TACC3: variants seen among roughly 807,000 people sequenced by gnomAD.
TACC3 encodes the protein transforming acidic coiled-coil containing protein 3, also known as transforming acidic coiled-coil-containing protein 3.
A neutral mutation model predicts 86.0 loss-of-function variants in TACC3; 52 were observed. The ratio of observed to expected loss-of-function variants is 0.60; its 90% CI spans 0.48 to 0.76. The LOEUF is 0.76. Among genes scored for constraint, TACC3 ranks in the 30% least tolerant of loss-of-function variants. The pLI is 0.00. For synonymous variants in TACC3, 512 were observed against 430.0 expected (o/e 1.19, Z -2.36); for missense variants, 1,120 against 1,070.4 (o/e 1.05, Z -0.65).
At position 1,740,017 on chromosome 4, in the gene TACC3, C is replaced by T. The variant is rs956331153; in HGVS notation, c.2062+15C>T. ...CCAGGCCATGGGTGAGTGCCCGGGC[C>T]ACCGAGGCCACGTGCCTCCACGAGG... On this transcript the variant is annotated intron_variant, in intron 12 of 15. Coordinates refer to ENST00000313288, the MANE Select transcript of TACC3 (RefSeq NM_006342.3). The T allele has an allele frequency of 6.8e-6, 11 of 1,612,754 alleles. No homozygotes were observed. Among genetic ancestry groups the T allele is most frequent in the African/African-American group, 1.3e-5 (1 of 75,052 alleles).
intron 3 of TACC3, among the ~76,000 whole-genome samples, chr4:1,725,254 T>C (rs1437553239): frequency 1.3e-5 from 2 of 152,006 alleles, no homozygotes; most frequent in Non-Finnish European, 2.9e-5. Context: ...TTAAGCAGAT[T>C]TTAGATGTGC....
rs776214155 is a variant in TACC3, at chr4:1,723,533, G to C, written c.112G>C (p.Val38Leu). Residue 38 changes from valine to leucine, a missense_variant, in exon 2 of 16, where the codon GTG (valine) becomes CTG (leucine). Val to Leu is a conservative substitution (Grantham distance 32). Transcript: ENST00000313288. Reference sequence around the variant, plus strand: ...TACCGGAAGATCGTCTGTTCTTCGTGTGTCACAGAAAGAAAATGTGCCACC... The same window carrying C: ...TACCGGAAGATCGTCTGTTCTTCGTCTGTCACAGAAAGAAAATGTGCCACC... ...EVTGRSSVLR[V>L]SQKENVPPKN... The C allele has an allele frequency of 2.5e-6, 4 of 1,613,778 alleles. No homozygotes were observed. The highest frequency in any genetic ancestry group is 3.4e-6 in the Non-Finnish European group (4 of 1,179,974).
At position 1,740,507 on chromosome 4, in the gene TACC3, G is replaced by A. The variant is rs113547777; in HGVS notation, c.2063-319G>A. On this transcript the variant is annotated intron_variant, in intron 12 of 15. Transcript: ENST00000313288. Reference sequence around the variant, plus strand: ...TCCCTCCAGGACCACCACGAAGCACGACGCACATCCTGGAGCTCGCCATAC... The same window carrying A: ...TCCCTCCAGGACCACCACGAAGCACAACGCACATCCTGGAGCTCGCCATAC... The A allele has an allele frequency of 3.1e-3, 1,016 of 329,406 alleles. 18 individuals carry two copies. Among genetic ancestry groups the A allele is most frequent in the African/African-American group, 0.02 (934 of 46,992 alleles). 20.4% of individuals were successfully genotyped at this position (329,406 alleles called of 1,614,324 possible). A position where few individuals can be genotyped will look rare whatever the true frequency, so the allele number is the denominator to read the frequency against.
chr4:1,743,262 A>AG, intron 13 of TACC3, among the ~76,000 whole-genome samples: 1 of 144,564 alleles, frequency 6.9e-6, no homozygotes, highest in South Asian at 2.2e-4. Context: ...CTCAAAAAAA[A>AG]AAAAAAAAAA....
rs770242371 is a variant in TACC3, at chr4:1,727,729, G to A, written c.327G>A (p.Val109=). The A allele has an allele frequency of 6.3e-7, 1 of 1,590,530 alleles. No individual in the cohort carries two copies. The highest frequency in any genetic ancestry group is 1.8e-5 in the Admixed American group (1 of 57,036). ...QKENQQLIKE[V]DAKTTHGILQ... Reference sequence around the variant, plus strand: ...AAAGCCAACAGCTCATCAAGGAAGTGGATGCCAAAACTACTCATGGAATTC... The same window carrying A: ...AAAGCCAACAGCTCATCAAGGAAGTAGATGCCAAAACTACTCATGGAATTC... The change falls in exon 4 of 16, where the codon GTG becomes GTA. Residue 109 remains valine (V), a synonymous_variant. Transcript: ENST00000313288.
chr4:1,722,233 A>G (rs1176997738), intron 1 of TACC3, among the ~76,000 whole-genome samples: 1 of 152,080 alleles, frequency 6.6e-6, no homozygotes, highest in East Asian at 1.9e-4. Context: ...CCTCCTGACT[A>G]AGGCTGGGTC....
Position 1,730,430 on chromosome 4 carries a change from CAT to C in TACC3, c.1386-454_1386-453del, listed in dbSNP as rs377270327. 1,176 of 281,198 alleles carry C rather than the reference CAT, an allele frequency of 4.2e-3. 13 individuals are homozygous for C. The highest frequency in any genetic ancestry group is 0.023 in the African/African-American group (1,058 of 45,722). The allele number at this position is 281,198 out of a possible 1,614,324, so 17.4% of individuals were successfully genotyped here. On this transcript the variant is annotated intron_variant, in intron 4 of 15. Transcript: ENST00000313288. ...ATGATTAACGATATTCATATATAAT[CAT>C]ATCTATAATCTATTTCTAGTATAAC...
intron 3 of TACC3, among the ~76,000 whole-genome samples, chr4:1,725,389 C>T (rs1717636512): frequency 6.6e-6 from 1 of 152,178 alleles, no homozygotes; most frequent in Non-Finnish European, 1.5e-5. Context: ...TCCCCTCTAC[C>T]CCTCCAGCCT....
In TACC3 at chr4:1,735,725, C is replaced by T. The variant is rs1453150231; in HGVS notation, c.1645-6C>T. On this transcript the variant is annotated splice_region_variant and splice_polypyrimidine_tract_variant and intron_variant, in intron 7 of 15. Transcript: ENST00000313288. This position sits in a 1 kb window ranked among gnomAD's most constrained non-coding sequence, Gnocchi z 4.2. ...CAGACCTGATCACTTGCCCTCTTGT[C>T]CCCAGTTTAAGGAGTCGGCCTTGAG... The T allele has an allele frequency of 4.3e-6, 7 of 1,609,518 alleles. No homozygotes were observed. The South Asian group carries it at 6.6e-5, about 15-fold the overall frequency.
chr4:1,733,339 C>T (rs1718095290), intron 6 of TACC3, among the ~76,000 whole-genome samples: 1 of 152,088 alleles, frequency 6.6e-6, no homozygotes, highest in Non-Finnish European at 1.5e-5. Context: ...AAAGTTAAGT[C>T]CCTTATCAGA....
rs1160148404 is a variant in TACC3 at position 1,726,457 on chromosome 4, C to G, written c.306-1251C>G. ...TGGCCATCCTGGGGCCTGCAAGTCCCCAGGACTGATCTGTTGGGCATGTCC... is the reference window on the plus strand; with the variant it reads ...TGGCCATCCTGGGGCCTGCAAGTCCGCAGGACTGATCTGTTGGGCATGTCC... On this transcript the variant is annotated intron_variant, in intron 3 of 15. Coordinates refer to ENST00000313288, the MANE Select transcript of TACC3 (RefSeq NM_006342.3). 2.6e-5 allele frequency among the ~76,000 whole-genome samples: 4 copies of G among 152,200 alleles called. No individual in the cohort carries two copies. The East Asian group carries it at 7.7e-4, about 29-fold the overall frequency.
intron 3 of TACC3, 100 bp downstream of exon 3, chr4:1,723,970 T>G: frequency 7.3e-7 from 1 of 1,371,950 alleles, no homozygotes; most frequent in Non-Finnish European, 1.0e-6. Context: ...TTGGCTGGAT[T>G]TTTTGTTTGT....
chr4:1,737,215 C>T, intron 8 of TACC3, 26 bp from the exon 9 acceptor site: 1 of 1,604,472 alleles, frequency 6.2e-7, no homozygotes, highest in Non-Finnish European at 8.5e-7. Flanking sequence ...GGCCTAGTGA[C>T]TGAGGCTGCC....
Position 1,735,847 on chromosome 4 carries a change from GCCCT to G in TACC3, c.1748+19_1748+22del, listed in dbSNP as rs761275612. ...CCGAGACCAGCAGGTATGTGCGCCG[GCCCT>G]CCCTCATGCATGAAGCCTTGAGTGT... is the stretch of plus-strand genomic sequence containing the variant. On this transcript the variant is annotated intron_variant, in intron 8 of 15. Transcript: ENST00000313288. This position sits in a 1 kb window ranked among gnomAD's most constrained non-coding sequence, Gnocchi z 4.2. 8 of 1,565,314 alleles carry G rather than the reference GCCCT, an allele frequency of 5.1e-6. No individual in the cohort carries two copies. The highest frequency in any genetic ancestry group is 1.4e-5 in the African/African-American group (1 of 73,968).
chr4:1,729,317 C>T (rs1717885187), intron 4 of TACC3, among the ~76,000 whole-genome samples: 1 of 151,988 alleles, frequency 6.6e-6, no homozygotes, highest in Non-Finnish European at 1.5e-5. Flanking sequence ...TGTGCATAGA[C>T]AAGAGATTGT....
chr4:1,724,994 C>T (rs1717617506), intron 3 of TACC3, among the ~76,000 whole-genome samples: 2 of 136,628 alleles, frequency 1.5e-5, no homozygotes, highest in East Asian at 4.5e-4. Flanking sequence ...TGCAATGGTG[C>T]GATCTTAACT....
chr4:1,737,415 G>A, intron 9 of TACC3, 87 bp downstream of exon 9: 3 of 1,370,856 alleles, frequency 2.2e-6, no homozygotes, highest in Non-Finnish European at 3.1e-6. Flanking sequence ...TATTCCTGGG[G>A]GTCTGAGCCT....
In TACC3 at chr4:1,728,062, C is replaced by T. The variant is rs149260591; in HGVS notation, c.660C>T (p.Ala220=). 584 of 1,542,326 alleles carry T rather than the reference C, an allele frequency of 3.8e-4. 3 individuals carry two copies. In the Middle Eastern group the frequency reaches 9.6e-3, roughly 25 times the overall value. Reference sequence around the variant, plus strand: ...ACAAAGCGGAGACTCCGCACGGAGCCGAGGAAGAATGCAAAGCGGAGACTC... The same window carrying T: ...ACAAAGCGGAGACTCCGCACGGAGCTGAGGAAGAATGCAAAGCGGAGACTC... ...SQHKAETPHG[A]EEECKAETPH... The change falls in exon 4 of 16, where the codon GCC becomes GCT. Residue 220 remains alanine (A), a synonymous_variant. Coordinates refer to ENST00000313288, the MANE Select transcript of TACC3 (RefSeq NM_006342.3).
intron 8 of TACC3, among the ~76,000 whole-genome samples, chr4:1,736,727 A>G (rs1718285323): frequency 6.6e-6 from 1 of 151,890 alleles, no homozygotes. Context: ...TGGCCAACAT[A>G]GTGAACCCCC....
Sources: allele counts gnomAD v4.1 joint callset (sites outside exome capture counted in the v4.1 genomes callset), GRCh38; gene constraint gnomAD v4.1.1; non-coding constraint Gnocchi (gnomAD v3.1); transcripts MANE v1.5; gene names NCBI Gene and HGNC (gene_info 2026-07-23, HGNC 2026-07-21).